TJP1: variants seen among roughly 807,000 people sequenced by gnomAD.
TJP1 encodes the protein tight junction protein ZO-1.
A neutral mutation model predicts 194.2 loss-of-function variants in TJP1; 43 were observed. The ratio of observed to expected loss-of-function variants is 0.22; its 90% CI spans 0.17 to 0.29. The LOEUF (loss-of-function observed/expected upper bound fraction) is 0.29, where lower values mean the gene tolerates loss of function less well. Among genes scored for constraint, TJP1 ranks in the 10% least tolerant of loss-of-function variants. The pLI, the probability that TJP1 is intolerant of heterozygous loss-of-function variation, is 1.00. For synonymous variants in TJP1, 801 were observed against 779.0 expected, an observed-to-expected ratio of 1.03 and a Z score of -0.47; for missense variants, 1,971 against 2,185.7, an observed-to-expected ratio of 0.90 and a Z score of 1.96.
intron 2 of TJP1, among the ~76,000 whole-genome samples, chr15:29,828,808 A>C (rs997744101): frequency 3.4e-5 from 5 of 148,508 alleles, no homozygotes; most frequent in African/African-American, 7.5e-5. Context: ...ATCTCTGCTC[A>C]CTGCAACCTC....
chr15:29,787,047 G>A (rs560920350), intron 2 of TJP1, among the ~76,000 whole-genome samples: 2 of 152,172 alleles, frequency 1.3e-5, no homozygotes, highest in Non-Finnish European at 2.9e-5. Context: ...TAGATTACAT[G>A]TTTGCTTCAG....
At chr15:29,927,348 A>G (rs2054559205) in intron 2 of TJP1, among the ~76,000 whole-genome samples, 1 of 152,186 alleles carries the variant, frequency 6.6e-6, no homozygotes, top group Non-Finnish European at 1.5e-5. Flanking sequence ...AAAATATGAT[A>G]GAAATATATC....
chr15:29,803,575 G>A (rs1239594108), intron 1 of TJP1, among the ~76,000 whole-genome samples: 1 of 152,174 alleles, frequency 6.6e-6, no homozygotes, highest in Non-Finnish European at 1.5e-5. Flanking sequence ...AGTGAGCTGA[G>A]AAGCATCTGT....
At chr15:29,887,564 G>T (rs1489699718) in intron 2 of TJP1, among the ~76,000 whole-genome samples, 1 of 151,842 alleles carries the variant, frequency 6.6e-6, no homozygotes, top group South Asian at 2.1e-4. Flanking sequence ...GCCTCCCAAA[G>T]TGCTGGGATT....
chr15:29,813,299 T>A (rs1231240435), intron 1 of TJP1, among the ~76,000 whole-genome samples: 5 of 152,214 alleles, frequency 3.3e-5, no homozygotes, highest in Non-Finnish European at 1.5e-5. Context: ...AGAAGCTTAC[T>A]ACCTTTTGCT....
rs770889630 is a variant in TJP1 at position 29,732,781 on chromosome 15, G to C, written c.1771C>G (p.Pro591Ala). The change falls in exon 14 of 28, where the codon CCA becomes GCA. Residue 591 changes from proline (P) to alanine (A), a missense_variant. By Grantham distance (27) the Pro-to-Ala change is conservative. Transcript: ENST00000614355. ...EQLASVQYTL[P>A]KTAGGDRADF... is the part of the protein sequence containing the mutation. ...GCACGGTCTCCGCCTGCTGTTTTTG[G>C]AAGTGTATACTGTACACTGGCTAGC... 6 of 1,613,614 alleles carry C rather than the reference G, an allele frequency of 3.7e-6. No individual in the cohort carries two copies. Among genetic ancestry groups the C allele is most frequent in the Non-Finnish European group, 5.1e-6 (6 of 1,179,928 alleles).
At chr15:29,879,004 T>C (rs1371366402) in intron 2 of TJP1, among the ~76,000 whole-genome samples, 1 of 151,286 alleles carries the variant, frequency 6.6e-6, no homozygotes, top group East Asian at 1.9e-4. Context: ...GCGCCTGTAG[T>C]CCCCAGCTAC....
At chr15:29,790,526 T>C (rs892592055) in intron 2 of TJP1, among the ~76,000 whole-genome samples, 2 of 152,232 alleles carry the variant, frequency 1.3e-5, no homozygotes, top group African/African-American at 4.8e-5. Flanking sequence ...CAAGTATTTA[T>C]CATTTCTTTG....
At chr15:29,791,045 T>A (rs1184990151) in intron 2 of TJP1, among the ~76,000 whole-genome samples, 1 of 151,924 alleles carries the variant, frequency 6.6e-6, no homozygotes, top group Non-Finnish European at 1.5e-5. Context: ...TCCTTTTTTT[T>A]TGGACGGAGT....
chr15:29,924,589 C>T (rs1297311735), intron 2 of TJP1, among the ~76,000 whole-genome samples: 1 of 152,118 alleles, frequency 6.6e-6, no homozygotes, highest in Non-Finnish European at 1.5e-5. Flanking sequence ...TACATTTCTA[C>T]AACAACATGG....
At chr15:29,793,000 G>A (rs1315770965) in intron 2 of TJP1, among the ~76,000 whole-genome samples, 2 of 152,188 alleles carry the variant, frequency 1.3e-5, no homozygotes, top group African/African-American at 4.8e-5. Flanking sequence ...AGTTCTAACA[G>A]TTTTCTGGTA....
At chr15:29,704,101 C>A in intron 27 of TJP1, 61 bp downstream of exon 27, 3 of 1,518,340 alleles carry the variant, frequency 2.0e-6, no homozygotes, top group South Asian at 2.4e-5. Context: ...GCATCATCAG[C>A]CCAGGTATTA....
chr15:29,913,189 C>CAA (rs540091792), intron 2 of TJP1, among the ~76,000 whole-genome samples: 2 of 140,020 alleles, frequency 1.4e-5, no homozygotes, highest in East Asian at 2.1e-4. Flanking sequence ...AGGGGGATCA[C>CAA]AAAAAAAAAA....
At chr15:29,828,292 G>A (rs1015589252) in intron 2 of TJP1, among the ~76,000 whole-genome samples, 13 of 152,022 alleles carry the variant, frequency 8.6e-5, no homozygotes, top group Admixed American at 3.3e-4. Context: ...ATCAAATAAT[G>A]AAAATCTGCT....
At chr15:29,914,075 T>C (rs1031294314) in intron 2 of TJP1, among the ~76,000 whole-genome samples, 3 of 152,170 alleles carry the variant, frequency 2.0e-5, no homozygotes, top group Non-Finnish European at 4.4e-5. Context: ...AGGGAATGAA[T>C]GTAACATATA....
At chr15:29,968,128 C>A in intron 1 of TJP1, 3 of 985,450 alleles carry the variant, frequency 3.0e-6, no homozygotes, top group Non-Finnish European at 3.6e-6. Context: ...GTCGGAGGAA[C>A]TGGAACGCAT....
chr15:29,831,541 G>C (rs1347971613), intron 2 of TJP1, among the ~76,000 whole-genome samples: 2 of 152,150 alleles, frequency 1.3e-5, no homozygotes, highest in Admixed American at 6.5e-5. Flanking sequence ...GGATGTGGGA[G>C]GGCCTATATA....
In TJP1 at chr15:29,860,893, G is replaced by A. The variant is rs1397420169; in HGVS notation, c.307-60191C>T. On this transcript the variant is annotated intron_variant, in intron 2 of 28. Coordinates refer to the TJP1 transcript ENST00000356107. ...TTTCTTAGCAAAATTTTAAAATTAA[G>A]GTATGTACATTGTTCTTCTTACATG... 2.0e-5 allele frequency among the ~76,000 whole-genome samples: 3 copies of A among 152,146 alleles called. No homozygotes were observed. In the East Asian group the frequency reaches 5.8e-4, roughly 29 times the overall value.
chr15:29,928,894 A>G (rs1262734324), intron 2 of TJP1, among the ~76,000 whole-genome samples: 2 of 152,110 alleles, frequency 1.3e-5, no homozygotes, highest in Non-Finnish European at 2.9e-5. Context: ...GTGAGCCGAG[A>G]TCTCGCCATT....
Sources: allele counts gnomAD v4.1 joint callset (sites outside exome capture counted in the v4.1 genomes callset), GRCh38; gene constraint gnomAD v4.1.1; transcripts MANE v1.5; gene names NCBI Gene and HGNC (gene_info 2026-07-23, HGNC 2026-07-21).